MAML2: variants seen among roughly 807,000 people sequenced by gnomAD.
The protein encoded by MAML2 is mastermind-like protein 2.
A neutral mutation model predicts 96.1 loss-of-function variants in MAML2; 22 were observed. That is an observed-to-expected ratio of 0.23 (90% CI 0.16 to 0.33). The LOEUF is 0.33. Ranked by LOEUF, MAML2 falls within the 10% of genes least tolerant of loss-of-function variation. The pLI is 1.00. For synonymous variants in MAML2, 561 were observed against 521.3 expected, an observed-to-expected ratio of 1.08 and a Z score of -1.04; for missense variants, 1,367 against 1,392.4, an observed-to-expected ratio of 0.98 and a Z score of 0.29.
intron 1 of MAML2, among the ~76,000 whole-genome samples, chr11:96,232,074 T>G (rs1040723627): frequency 1.3e-5 from 2 of 152,240 alleles, no homozygotes; most frequent in Non-Finnish European, 2.9e-5. Flanking sequence ...CTCTGGCTGA[T>G]GTAGTAACAT....
intron 1 of MAML2, among the ~76,000 whole-genome samples, chr11:96,256,250 G>A (rs1256639111): frequency 2.6e-5 from 4 of 152,056 alleles, no homozygotes; most frequent in African/African-American, 9.7e-5. Context: ...ATTCTTAACC[G>A]ATACAGCTAG....
At chr11:96,045,422 G>C (rs1055194801) in intron 2 of MAML2, among the ~76,000 whole-genome samples, 4 of 152,172 alleles carry the variant, frequency 2.6e-5, no homozygotes, top group African/African-American at 9.7e-5. Flanking sequence ...TTCCTCATCT[G>C]TGAGATTAAT....
intron 1 of MAML2, among the ~76,000 whole-genome samples, chr11:96,196,875 T>C (rs1591067010): frequency 7.0e-6 from 1 of 143,280 alleles, no homozygotes; most frequent in Non-Finnish European, 1.5e-5. Flanking sequence ...CCAACCACCC[T>C]CGGCTTTTTT....
chr11:96,231,144 A>G (rs1316899568), intron 1 of MAML2, among the ~76,000 whole-genome samples: 2 of 152,214 alleles, frequency 1.3e-5, no homozygotes, highest in South Asian at 2.1e-4. Context: ...GGGTTTTAAT[A>G]AATATATTTC....
At chr11:96,082,288 C>T (rs995008572) in intron 2 of MAML2, among the ~76,000 whole-genome samples, 3 of 152,112 alleles carry the variant, frequency 2.0e-5, no homozygotes, top group South Asian at 2.1e-4. Context: ...GTTCACAGTT[C>T]GGTGGACCAG....
intron 1 of MAML2, among the ~76,000 whole-genome samples, chr11:96,255,575 G>C (rs527509854): frequency 6.6e-6 from 1 of 152,260 alleles, no homozygotes; most frequent in Non-Finnish European, 1.5e-5. Flanking sequence ...TCTGGCCTAT[G>C]ACACCCAGGT....
At chr11:96,102,066 G>T (rs1859941909) in intron 1 of MAML2, among the ~76,000 whole-genome samples, 1 of 152,170 alleles carries the variant, frequency 6.6e-6, no homozygotes, top group Non-Finnish European at 1.5e-5. Context: ...CACCAGGTCA[G>T]GAGATCGAGA....
chr11:96,040,159 G>A (rs73521677), intron 2 of MAML2, among the ~76,000 whole-genome samples: 1,595 of 152,036 alleles, frequency 0.01, 25 homozygotes, highest in African/African-American at 0.037. Context: ...TATGTGCCAG[G>A]TACACTTCAA....
intron 1 of MAML2, among the ~76,000 whole-genome samples, chr11:96,239,369 T>C (rs1398280000): frequency 6.6e-6 from 1 of 152,178 alleles, no homozygotes; most frequent in Non-Finnish European, 1.5e-5. Context: ...TACCTGCCAA[T>C]ACCAGCACTT....
At chr11:96,002,025 T>G (rs1361199325) in intron 2 of MAML2, among the ~76,000 whole-genome samples, 1 of 152,176 alleles carries the variant, frequency 6.6e-6, no homozygotes, top group Non-Finnish European at 1.5e-5. Context: ...CAGATGTAAT[T>G]TTTTTTCAGG....
At chr11:96,015,751 C>T (rs1277271118) in intron 2 of MAML2, among the ~76,000 whole-genome samples, 1 of 152,142 alleles carries the variant, frequency 6.6e-6, no homozygotes, top group African/African-American at 2.4e-5. Flanking sequence ...TGTACTTAGA[C>T]AGACCTGGGT....
At chr11:96,292,100 A>G (rs1246333957) in intron 1 of MAML2, among the ~76,000 whole-genome samples, 1 of 152,168 alleles carries the variant, frequency 6.6e-6, no homozygotes, top group Non-Finnish European at 1.5e-5. Context: ...GTCATACACC[A>G]TTTTACCTTG....
At chr11:96,077,965 T>C (rs1859470166) in intron 2 of MAML2, among the ~76,000 whole-genome samples, 1 of 152,244 alleles carries the variant, frequency 6.6e-6, no homozygotes, top group South Asian at 2.1e-4. Flanking sequence ...AAGAGCTCTG[T>C]GCTCCCTCCC....
At chr11:96,157,824 T>C (rs945237065) in intron 1 of MAML2, among the ~76,000 whole-genome samples, 3 of 152,244 alleles carry the variant, frequency 2.0e-5, no homozygotes, top group Non-Finnish European at 2.9e-5. Context: ...TTGGGAACTA[T>C]GTATTTGCTG....
rs1288017818 is a variant in MAML2 at position 96,065,937 on chromosome 11, GA to G, written c.2139+25954del. 2.6e-5 allele frequency among the ~76,000 whole-genome samples: 4 copies of G among 152,210 alleles called. No individual in the cohort carries two copies. The East Asian group carries it at 7.8e-4, about 29-fold the overall frequency. Reference sequence around the variant, plus strand: ...CTTGTGCTGGGCCCAGGCGCAATAGGAAACTGGTTAGGTTGGGCTTTGATCC... The same window carrying G: ...CTTGTGCTGGGCCCAGGCGCAATAGGAACTGGTTAGGTTGGGCTTTGATCC... On this transcript the variant is annotated intron_variant, in intron 2 of 4. Coordinates refer to ENST00000524717, the MANE Select transcript of MAML2 (RefSeq NM_032427.4).
At chr11:96,308,860 G>C (rs1691376590) in intron 1 of MAML2, among the ~76,000 whole-genome samples, 1 of 152,178 alleles carries the variant, frequency 6.6e-6, no homozygotes, top group African/African-American at 2.4e-5. Context: ...TGGATACTGA[G>C]CAAATATTTA....
At chr11:96,204,870 C>T (rs1177813646) in intron 1 of MAML2, among the ~76,000 whole-genome samples, 2 of 152,132 alleles carry the variant, frequency 1.3e-5, no homozygotes, top group Non-Finnish European at 2.9e-5. Flanking sequence ...TGCCTTTCTC[C>T]TCTCATCATT....
intron 1 of MAML2, among the ~76,000 whole-genome samples, chr11:96,250,405 G>A (rs890340319): frequency 3.9e-5 from 6 of 151,918 alleles, no homozygotes; most frequent in African/African-American, 1.5e-4. Context: ...ATTTGTGTTG[G>A]GAACATACAC....
intron 1 of MAML2, among the ~76,000 whole-genome samples, chr11:96,121,779 G>GGTTTTTTTTTTTTTTTTTTTT (rs1405872923): frequency 4.9e-5 from 2 of 40,802 alleles, no homozygotes; most frequent in African/African-American, 1.1e-4. Context: ...CCAACTGCGT[G>GGTTTTTTTTTTTTTTTTTTTT]ATTTTTTTTT....
Sources: allele counts gnomAD v4.1 joint callset (sites outside exome capture counted in the v4.1 genomes callset), GRCh38; gene constraint gnomAD v4.1.1; transcripts MANE v1.5; gene names NCBI Gene and HGNC (gene_info 2026-07-23, HGNC 2026-07-21).